The following DTWD2 variants were observed in gnomAD, a reference collection of about 807,000 sequenced individuals.
The protein encoded by DTWD2 is tRNA-uridine aminocarboxypropyltransferase 2.
Under a neutral mutation model 31.8 loss-of-function variants are expected in DTWD2, and 39 were observed. That is an observed-to-expected ratio of 1.22 (90% CI 0.95 to 1.60). The LOEUF (loss-of-function observed/expected upper bound fraction) is 1.60, where lower values mean the gene tolerates loss of function less well. DTWD2 is among the 40% of genes most tolerant of loss of function. The pLI, the probability that DTWD2 is intolerant of heterozygous loss-of-function variation, is 0.00. For synonymous variants in DTWD2, 180 were observed against 142.8 expected, an observed-to-expected ratio of 1.26 and a Z score of -1.86; for missense variants, 515 against 381.5, an observed-to-expected ratio of 1.35 and a Z score of -2.92.
chr5:118,886,085 T>C (rs1197314130), intron 4 of DTWD2, among the ~76,000 whole-genome samples: 1 of 152,220 alleles, frequency 6.6e-6, no homozygotes, highest in African/African-American at 2.4e-5. Context: ...CTATCCACTT[T>C]AATCTGGTTT....
At chr5:118,940,654 G>C (rs1012223968) in intron 2 of DTWD2, among the ~76,000 whole-genome samples, 2 of 152,150 alleles carry the variant, frequency 1.3e-5, no homozygotes, top group African/African-American at 2.4e-5. Context: ...CAAAGAGAGA[G>C]AGAAATATAT....
intron 4 of DTWD2, among the ~76,000 whole-genome samples, chr5:118,857,296 A>C: frequency 6.6e-6 from 1 of 152,178 alleles, no homozygotes. Flanking sequence ...CTATGTGTAC[A>C]TACGTATACA....
intron 4 of DTWD2, among the ~76,000 whole-genome samples, chr5:118,887,348 T>C (rs1561442047): frequency 6.6e-6 from 1 of 152,166 alleles, no homozygotes; most frequent in Non-Finnish European, 1.5e-5. Context: ...TTCTAGATAA[T>C]TGGCACTAAG....
At chr5:118,976,597 G>T (rs1220011754) in intron 1 of DTWD2, among the ~76,000 whole-genome samples, 1 of 152,122 alleles carries the variant, frequency 6.6e-6, no homozygotes, top group Non-Finnish European at 1.5e-5. Flanking sequence ...TAGAAGAAAT[G>T]GATAAATTCC....
chr5:118,943,823 C>A (rs1754264814), intron 2 of DTWD2, among the ~76,000 whole-genome samples: 1 of 152,124 alleles, frequency 6.6e-6, no homozygotes. Flanking sequence ...TTCAAGTGAT[C>A]CAGACTTGAG....
chr5:118,951,448 G>A (rs1261039119), intron 1 of DTWD2, among the ~76,000 whole-genome samples: 1 of 152,134 alleles, frequency 6.6e-6, no homozygotes, highest in Non-Finnish European at 1.5e-5. Context: ...ATTAGAAAGG[G>A]ACTGATGTGA....
At chr5:118,921,521 TAA>T (rs533019780) in intron 4 of DTWD2, among the ~76,000 whole-genome samples, 6 of 131,254 alleles carry the variant, frequency 4.6e-5, no homozygotes, top group Admixed American at 7.8e-5. Context: ...CCCCATCTCT[TAA>T]AAAAAAAAAA....
chr5:118,889,260 A>G (rs1435980131), intron 4 of DTWD2, among the ~76,000 whole-genome samples: 2 of 152,140 alleles, frequency 1.3e-5, no homozygotes, highest in Non-Finnish European at 2.9e-5. Context: ...TCATATAAAG[A>G]TAAGTACTCA....
chr5:118,952,477 G>A (rs754376763), intron 1 of DTWD2, among the ~76,000 whole-genome samples: 16 of 152,230 alleles, frequency 1.1e-4, no homozygotes, highest in Admixed American at 7.8e-4. Context: ...AAGCAGGGGC[G>A]GGGGTCATGA....
At chr5:118,965,422 G>A (rs1288973392) in intron 1 of DTWD2, among the ~76,000 whole-genome samples, 1 of 152,040 alleles carries the variant, frequency 6.6e-6, no homozygotes, top group African/African-American at 2.4e-5. Context: ...CGTCTGGGAG[G>A]TGTATCCAAC....
intron 1 of DTWD2, among the ~76,000 whole-genome samples, chr5:118,949,735 G>T (rs965826897): frequency 6.6e-6 from 1 of 152,144 alleles, no homozygotes; most frequent in South Asian, 2.1e-4. Flanking sequence ...CATACTTGTG[G>T]ATTAAGATGG....
chr5:118,861,085 T>A (rs1752249932), intron 4 of DTWD2, among the ~76,000 whole-genome samples: 1 of 152,204 alleles, frequency 6.6e-6, no homozygotes, highest in Non-Finnish European at 1.5e-5. Flanking sequence ...AATTACTAAT[T>A]AATGTTTGAA....
At chr5:118,959,371 A>C (rs550780239) in intron 1 of DTWD2, among the ~76,000 whole-genome samples, 1 of 152,292 alleles carries the variant, frequency 6.6e-6, no homozygotes, top group Admixed American at 6.5e-5. Flanking sequence ...GAATAAAAAT[A>C]CTTAGGAATA....
chr5:118,974,491 A>T, intron 1 of DTWD2: 2 of 465,814 alleles, frequency 4.3e-6, no homozygotes, highest in South Asian at 3.3e-5. Flanking sequence ...TCTCTGTCCT[A>T]CTTCTGACTT....
intron 4 of DTWD2, among the ~76,000 whole-genome samples, chr5:118,896,441 G>C (rs897336064): frequency 6.8e-6 from 1 of 146,918 alleles, no homozygotes. Context: ...AAAACAACTA[G>C]AACATATACT....
intron 1 of DTWD2, chr5:118,974,167 T>C: frequency 2.7e-6 from 4 of 1,502,004 alleles, no homozygotes; most frequent in Non-Finnish European, 3.6e-6. Context: ...AAAGGCCGCC[T>C]TGACCTATTC....
In DTWD2 at chr5:118,951,506, CG is replaced by C. The variant is rs374351721; in HGVS notation, c.219-6858del. Among the ~76,000 whole-genome samples, 58 of 152,160 alleles carry C rather than the reference CG, an allele frequency of 3.8e-4. No homozygotes were observed. In the East Asian group the frequency reaches 0.01, roughly 26 times the overall value. ...CACCTCAGACCATTTGCCCATTTTA[CG>C]AGAAGAATTATCTAGATCTTGTAGG... is the stretch of plus-strand genomic sequence containing the variant. On this transcript the variant is annotated intron_variant, in intron 1 of 5. Coordinates refer to ENST00000510708, the MANE Select transcript of DTWD2 (RefSeq NM_173666.4).
intron 4 of DTWD2, among the ~76,000 whole-genome samples, chr5:118,901,205 C>T (rs1288360982): frequency 6.6e-6 from 1 of 152,016 alleles, no homozygotes; most frequent in African/African-American, 2.4e-5. Context: ...AGTCACAAGA[C>T]AATCAACACC....
intron 4 of DTWD2, among the ~76,000 whole-genome samples, chr5:118,861,620 T>C (rs1344094539): frequency 6.6e-6 from 1 of 152,150 alleles, no homozygotes; most frequent in Admixed American, 6.5e-5. Context: ...TTTCTCAGTA[T>C]TTTTTTCTTT....
Sources: gnomAD v4.1 joint callset for allele counts (sites outside exome capture counted in the v4.1 genomes callset) on GRCh38, gnomAD v4.1.1 for gene constraint, MANE v1.5 for transcripts, NCBI Gene and HGNC (gene_info 2026-07-23, HGNC 2026-07-21) for gene names.